The following ELP4 variants were observed in gnomAD, a reference collection of about 807,000 sequenced individuals.
The protein encoded by ELP4 is elongator complex protein 4.
ELP4 carries 51 observed loss-of-function variants against 48.9 expected under a neutral mutation model. The observed-to-expected ratio is 1.04, with a 90% confidence interval of 0.83 to 1.32. The LOEUF (loss-of-function observed/expected upper bound fraction) is 1.32, where lower values mean the gene tolerates loss of function less well. Among genes scored for constraint, ELP4 ranks in the 40% most tolerant of loss-of-function variants. The pLI, the probability that ELP4 is intolerant of heterozygous loss-of-function variation, is 0.00. For missense variants in ELP4, 519 were observed against 514.6 expected, an observed-to-expected ratio of 1.01 and a Z score of -0.08; for synonymous variants, 210 against 189.2, an observed-to-expected ratio of 1.11 and a Z score of -0.90.
intron 3 of ELP4, among the ~76,000 whole-genome samples, chr11:31,590,727 C>A (rs1957554047): frequency 6.6e-6 from 1 of 152,154 alleles, no homozygotes; most frequent in African/African-American, 2.4e-5. Flanking sequence ...AAATTGAGAA[C>A]AGGCATCTCA....
At chr11:31,593,191 T>C (rs1339274337) in intron 3 of ELP4, among the ~76,000 whole-genome samples, 2 of 152,150 alleles carry the variant, frequency 1.3e-5, no homozygotes, top group Admixed American at 6.6e-5. Context: ...TTTTAACTTA[T>C]TTACTCCTTA....
rs1036506767 is a variant in ELP4, at chr11:31,788,020, A to G, written c.*4496A>G. On this transcript the variant is annotated 3_prime_UTR_variant, in exon 10 of 10. Transcript: ENST00000640961. ...CCCCAGGCTTTTTAGTGAAGTTTGC[A>G]GAGGAAGACTTATCTGTATTGACTT... The G allele has an allele frequency of 9.0e-6, 2 of 222,260 alleles. No homozygotes were observed. The highest frequency in any genetic ancestry group is 5.7e-5 in the Admixed American group (1 of 17,430). 13.8% of individuals were successfully genotyped at this position (222,260 alleles called of 1,614,324 possible).
intron 2 of ELP4, among the ~76,000 whole-genome samples, chr11:31,529,526 AACTTG>A (rs1282822026): frequency 6.6e-6 from 1 of 152,200 alleles, no homozygotes; most frequent in Non-Finnish European, 1.5e-5. Flanking sequence ...CAAGAAGCAG[AACTTG>A]ACATTCCTGT....
intron 4 of ELP4, among the ~76,000 whole-genome samples, chr11:31,596,419 A>G (rs1592146264): frequency 6.6e-6 from 1 of 152,104 alleles, no homozygotes; most frequent in African/African-American, 2.4e-5. Context: ...ACATGTATAT[A>G]TACATCTTTC....
At chr11:31,523,139 T>TG (rs1956242912) in intron 2 of ELP4, among the ~76,000 whole-genome samples, 2 of 152,190 alleles carry the variant, frequency 1.3e-5, no homozygotes, top group Non-Finnish European at 2.9e-5. Flanking sequence ...CGCAGAGTGC[T>TG]GGGATGATTG....
chr11:31,635,021 A>G (rs140839081), intron 7 of ELP4, among the ~76,000 whole-genome samples: 3 of 152,154 alleles, frequency 2.0e-5, no homozygotes, highest in Admixed American at 6.6e-5. Flanking sequence ...AAAAACAAGT[A>G]AATTTTCCCT....
intron 5 of ELP4, among the ~76,000 whole-genome samples, chr11:31,624,952 C>T (rs1944706623): frequency 6.6e-6 from 1 of 151,396 alleles, no homozygotes; most frequent in African/African-American, 2.4e-5. Flanking sequence ...GTTGTCATCT[C>T]GTGATAAGAA....
chr11:31,763,031 G>A (rs1947975864), intron 9 of ELP4, among the ~76,000 whole-genome samples: 1 of 151,280 alleles, frequency 6.6e-6, no homozygotes, highest in Admixed American at 6.6e-5. Flanking sequence ...AGATAAGTAA[G>A]CTCAGATGTA....
At chr11:31,695,135 G>A (rs2134146168) in intron 9 of ELP4, among the ~76,000 whole-genome samples, 1 of 152,210 alleles carries the variant, frequency 6.6e-6, no homozygotes, top group South Asian at 2.1e-4. Context: ...CTTCCTGATT[G>A]AATACCCTTT....
intron 9 of ELP4, among the ~76,000 whole-genome samples, chr11:31,704,501 G>T (rs891330896): frequency 3.9e-5 from 6 of 152,156 alleles, no homozygotes; most frequent in Middle Eastern, 3.4e-3. Flanking sequence ...GTGGGAGGAG[G>T]GGGGAGGGAA....
chr11:31,785,926 G>T lies in ELP4; in HGVS notation c.*2402G>T. On this transcript the variant is annotated 3_prime_UTR_variant, in exon 10 of 10. Coordinates refer to ENST00000640961, the MANE Select transcript of ELP4 (RefSeq NM_019040.5). ...CAATGCCAAACGTAATATCTGAAAT[G>T]ATATCTTTTAAGTGTTTCTAGTATA... 5.1e-6 allele frequency: 1 copy of T among 196,282 alleles called. No individual in the cohort carries two copies. Among genetic ancestry groups the T allele is most frequent in the Non-Finnish European group, 1.1e-5 (1 of 94,424 alleles). The allele number at this position is 196,282 out of a possible 1,614,324, so 12.2% of individuals were successfully genotyped here.
At position 31,684,094 on chromosome 11, in the gene ELP4, C is replaced by G. The variant is rs901534455; in HGVS notation, c.1143+33873C>G. On this transcript the variant is annotated intron_variant, in intron 9 of 9. Transcript: ENST00000640961. ...TTTGAAAGTCTAACTAAAGCTACTA[C>G]AAATATAAATTGGTATGTCACTTCT... is the stretch of plus-strand genomic sequence containing the variant. Among the ~76,000 whole-genome samples, 8 of 152,044 alleles carry G rather than the reference C, an allele frequency of 5.3e-5. No homozygotes were observed. The South Asian group carries it at 8.3e-4, about 16-fold the overall frequency.
chr11:31,655,661 C>T (rs1236192621), intron 9 of ELP4, among the ~76,000 whole-genome samples: 1 of 151,978 alleles, frequency 6.6e-6, no homozygotes, highest in East Asian at 1.9e-4. Flanking sequence ...CAAGCTTACA[C>T]GACACAATCA....
At chr11:31,518,057 A>G (rs1386307942) in intron 1 of ELP4, among the ~76,000 whole-genome samples, 2 of 152,190 alleles carry the variant, frequency 1.3e-5, no homozygotes, top group African/African-American at 2.4e-5. Flanking sequence ...AGAGCAAAGT[A>G]TAAGTACTCA....
Position 31,670,976 on chromosome 11 carries a change from A to C in ELP4, c.1143+20755A>C, listed in dbSNP as rs998983740. Among the ~76,000 whole-genome samples, 3 of 152,200 alleles carry C rather than the reference A, an allele frequency of 2.0e-5. No individual in the cohort carries two copies. In the South Asian group the frequency reaches 6.2e-4, roughly 32 times the overall value. ...GTTTATCACTTAGGAAACATTAAAA[A>C]AAAGTGGGTTAGTTATTTTGTGTAA... On this transcript the variant is annotated intron_variant, in intron 9 of 9. Transcript: ENST00000640961.
intron 3 of ELP4, among the ~76,000 whole-genome samples, chr11:31,563,864 T>TGTTTGTTTCTGG (rs1322309510): frequency 1.6e-4 from 25 of 152,166 alleles, no homozygotes; most frequent in African/African-American, 6.0e-4. Context: ...CAATACAGTA[T>TGTTTGTTTCTGG]GTTCTGTTTG....
At chr11:31,545,178 C>T (rs889690153) in intron 3 of ELP4, among the ~76,000 whole-genome samples, 1 of 152,114 alleles carries the variant, frequency 6.6e-6, no homozygotes, top group Non-Finnish European at 1.5e-5. Context: ...TTCAGACGAT[C>T]AAACTACGAG....
chr11:31,636,127 A>G (rs778254675), intron 7 of ELP4, among the ~76,000 whole-genome samples: 3 of 151,980 alleles, frequency 2.0e-5, no homozygotes, highest in Non-Finnish European at 2.9e-5. Flanking sequence ...TGTTCTAGGC[A>G]CCCATAGGGA....
At chr11:31,524,492 T>C (rs1956267473) in intron 2 of ELP4, among the ~76,000 whole-genome samples, 1 of 152,174 alleles carries the variant, frequency 6.6e-6, no homozygotes, top group South Asian at 2.1e-4. Flanking sequence ...TGACATCCCA[T>C]CATCTTTGCC....
Sources: gnomAD v4.1 joint callset for allele counts (sites outside exome capture counted in the v4.1 genomes callset) on GRCh38, gnomAD v4.1.1 for gene constraint, MANE v1.5 for transcripts, NCBI Gene and HGNC (gene_info 2026-07-23, HGNC 2026-07-21) for gene names.